The following NAALADL1 variants were observed in gnomAD, a reference collection of about 807,000 sequenced individuals.
The protein encoded by NAALADL1 is aminopeptidase NAALADL1.
Under a neutral mutation model 82.8 loss-of-function variants are expected in NAALADL1, and 77 were observed. That is an observed-to-expected ratio of 0.93 (90% CI 0.77 to 1.12). NAALADL1 has a LOEUF of 1.12. NAALADL1 is among the 50% of genes most tolerant of loss of function. NAALADL1 has a pLI of 0.00. For synonymous variants in NAALADL1, 358 were observed against 399.2 expected (o/e 0.90, Z 1.23); for missense variants, 956 against 964.0 (o/e 0.99, Z 0.11).
chr11:65,053,375 G>A lies in NAALADL1; in HGVS notation c.1079-38C>T. 1 of 1,608,918 alleles carries A rather than the reference G, an allele frequency of 6.2e-7. No homozygotes were observed. The highest frequency in any genetic ancestry group is 8.5e-7 in the Non-Finnish European group (1 of 1,177,662). ...AAAGGGGCAGAGAACCAGAGGAGAG[G>A]GAGAGGTGGGCAGGGGGAGCTGGGC... On this transcript the variant is annotated intron_variant, in intron 7 of 17. Transcript: ENST00000358658. The surrounding 1 kb of genome is among the most constrained non-coding windows in gnomAD (Gnocchi z 4.3).
intron 13 of NAALADL1, 74 bp from the exon 14 acceptor site, chr11:65,046,600 A>G (rs2136969030): frequency 7.0e-7 from 1 of 1,428,388 alleles, no homozygotes; most frequent in South Asian, 1.2e-5. Flanking sequence ...GTGAGCTGCA[A>G]AATGTGGGCA....
Position 65,053,084 on chromosome 11 carries a change from G to T in NAALADL1, c.1198+134C>A. 1.7e-6 allele frequency: 2 copies of T among 1,146,008 alleles called. No homozygotes were observed. The highest frequency in any genetic ancestry group is 1.6e-5 in the South Asian group (1 of 62,352). 71.0% of individuals were successfully genotyped at this position (1,146,008 alleles called of 1,614,324 possible). Reference sequence around the variant, plus strand: ...CACTGGGCTGCTGCAGGCCAAGGCTGGTGTCATGCATGTCTGCCCCCAGGG... The same window carrying T: ...CACTGGGCTGCTGCAGGCCAAGGCTTGTGTCATGCATGTCTGCCCCCAGGG... On this transcript the variant is annotated intron_variant, in intron 8 of 17. Transcript: ENST00000358658. This position sits in a 1 kb window ranked among gnomAD's most constrained non-coding sequence, Gnocchi z 4.3.
In NAALADL1 at chr11:65,044,967, C is replaced by T. The variant is rs916092995; in HGVS notation, c.*304G>A. 1.4e-5 allele frequency: 9 copies of T among 623,726 alleles called. No individual in the cohort carries two copies. The highest frequency in any genetic ancestry group is 1.1e-4 in the African/African-American group (6 of 54,300). 38.6% of individuals were successfully genotyped at this position (623,726 alleles called of 1,614,324 possible). On this transcript the variant is annotated 3_prime_UTR_variant, in exon 18 of 18. Coordinates refer to ENST00000358658, the MANE Select transcript of NAALADL1 (RefSeq NM_005468.3). The surrounding 1 kb of genome is among the most constrained non-coding windows in gnomAD (Gnocchi z 4.0). Reference sequence around the variant, plus strand: ...CGCCACTGGTCCTTGGCCTTGATGACCTGAGTTGGCATCTGAGGTTGGCAC... The same window carrying T: ...CGCCACTGGTCCTTGGCCTTGATGATCTGAGTTGGCATCTGAGGTTGGCAC...
intron 8 of NAALADL1, among the ~76,000 whole-genome samples, chr11:65,050,853 C>CT: frequency 6.6e-6 from 1 of 152,060 alleles, no homozygotes; most frequent in Middle Eastern, 3.4e-3. Context: ...ATAGCCAAGG[C>CT]TTTTTTCCCC....
At chr11:65,055,753 T>C (rs1947020419) in intron 4 of NAALADL1, among the ~76,000 whole-genome samples, 1 of 152,188 alleles carries the variant, frequency 6.6e-6, no homozygotes, top group East Asian at 1.9e-4. Context: ...TGATGGTTAA[T>C]TAATAATCTG....
At position 65,054,256 on chromosome 11, in the gene NAALADL1, G is replaced by C. The variant is rs1322965840; in HGVS notation, c.986C>G (p.Ala329Gly). 8.1e-6 allele frequency: 13 copies of C among 1,613,878 alleles called. No homozygotes were observed. Among genetic ancestry groups the C allele is most frequent in the Non-Finnish European group, 9.3e-6 (11 of 1,179,836 alleles). Residue 329 changes from alanine (A) to glycine (G), a missense_variant, in exon 6 of 18, where the codon GCA becomes GGA. By Grantham distance (60) the Ala-to-Gly change is moderately conservative. Coordinates refer to ENST00000358658, the MANE Select transcript of NAALADL1 (RefSeq NM_005468.3). The surrounding 1 kb of genome is among the most constrained non-coding windows in gnomAD (Gnocchi z 4.3). ...TGGTCTGGCTGCATCTCACCTGTCT[G>C]CTGGGAAGTCTCCGTCAGGCCGGAA... The part of the protein sequence containing the change: ...PGFRPDGDFP[A>G]DSQVNVSVYN...
In NAALADL1 at chr11:65,046,442, C is replaced by T. The variant is rs1946731784; in HGVS notation, c.1681+3G>A. Reference sequence around the variant, plus strand: ...TCAGGATGCCCCTTGTCTCCCTCCTCACCCGGGTCCAAAAACTTGTCCACA... The same window carrying T: ...TCAGGATGCCCCTTGTCTCCCTCCTTACCCGGGTCCAAAAACTTGTCCACA... On this transcript the variant is annotated splice_donor_region_variant and intron_variant, in intron 14 of 17. Transcript: ENST00000358658. The T allele has an allele frequency of 6.2e-7, 1 of 1,614,220 alleles. No homozygotes were observed.
chr11:65,047,512 C>A lies in NAALADL1; in HGVS notation c.1562G>T (p.Gly521Val). ...ATAGGCAATGTCCATGGAGGAGATG[C>A]CCAGGAAGTGAACGAAGGGTGCATA... The part of the protein sequence containing the change: ...SDYAPFVHFL[G>V]ISSMDIAYTY... Residue 521 changes from glycine to valine, a missense_variant, in exon 13 of 18, where the codon GGC becomes GTC. Coordinates refer to ENST00000358658, the MANE Select transcript of NAALADL1 (RefSeq NM_005468.3). The A allele has an allele frequency of 6.4e-7, 1 of 1,570,178 alleles. No individual in the cohort carries two copies. The highest frequency in any genetic ancestry group is 1.7e-4 in the Middle Eastern group (1 of 6,002).
Position 65,058,453 on chromosome 11 carries a change from G to C in NAALADL1, c.69C>G (p.Leu23=). The C allele has an allele frequency of 6.2e-7, 1 of 1,613,872 alleles. No individual in the cohort carries two copies. The highest frequency in any genetic ancestry group is 8.5e-7 in the Non-Finnish European group (1 of 1,179,882). ...AAALLGLGII[L]GHFAIPKKAN... ...CTTTTTTGGGGATGGCAAAGTGGCCGAGGATGATCCCCAGCCCCAAGAGGG... is the reference window on the plus strand; with the variant it reads ...CTTTTTTGGGGATGGCAAAGTGGCCCAGGATGATCCCCAGCCCCAAGAGGG... The change falls in exon 1 of 18, where the codon CTC becomes CTG. Residue 23 remains leucine (L), a synonymous_variant. Coordinates refer to ENST00000358658, the MANE Select transcript of NAALADL1 (RefSeq NM_005468.3).
Position 65,058,109 on chromosome 11 carries a change from A to G in NAALADL1, c.327T>C (p.Pro109=). ...ASTYEVLLSF[P]SQEQPNVVDI... is the part of the protein sequence containing the mutation. ...CCACGACGTTGGGCTGCTCCTGGCT[A>G]GGGAAGGACAGCAGCACTTCGTACG... The change falls in exon 2 of 18, where the codon CCT becomes CCC. Residue 109 remains proline, a synonymous_variant. Coordinates refer to ENST00000358658, the MANE Select transcript of NAALADL1 (RefSeq NM_005468.3). 6.2e-7 allele frequency: 1 copy of G among 1,612,336 alleles called. No homozygotes were observed. The highest frequency in any genetic ancestry group is 8.5e-7 in the Non-Finnish European group (1 of 1,178,712).
Position 65,047,697 on chromosome 11 carries a change from G to T in NAALADL1, c.1458C>A (p.Asn486Lys). The T allele has an allele frequency of 6.2e-7, 1 of 1,608,646 alleles. No homozygotes were observed. Residue 486 changes from asparagine to lysine, a missense_variant, in exon 12 of 18, where the codon AAC (asparagine) becomes AAA (lysine). Coordinates refer to ENST00000358658, the MANE Select transcript of NAALADL1 (RefSeq NM_005468.3). ...PGPGDLSIYD[N>K]WIRYFNRSSP... is the part of the protein sequence containing the mutation. ...TGCTGCGGTTGAAGTACCGGATCCA[G>T]TTGTCGTAGATGCTCAGGTCGCCAG... is the stretch of plus-strand genomic sequence containing the variant.
At chr11:65,060,149 C>T (rs546279363), upstream of NAALADL1, among the ~76,000 whole-genome samples, 6 of 150,304 alleles carry the variant, frequency 4.0e-5, no homozygotes, top group African/African-American at 9.8e-5. Context: ...TGTGTGTGTG[C>T]ACGTGCATGT....
chr11:65,044,822 G>T lies in NAALADL1; in HGVS notation c.*449C>A. ...CCAGGTAATAAAAGGAACTTGTTTTGTTGGTACCAGTCACTAGATGTGATT... is the reference window on the plus strand; with the variant it reads ...CCAGGTAATAAAAGGAACTTGTTTTTTTGGTACCAGTCACTAGATGTGATT... On this transcript the variant is annotated 3_prime_UTR_variant, in exon 18 of 18. Transcript: ENST00000358658. This position sits in a 1 kb window ranked among gnomAD's most constrained non-coding sequence, Gnocchi z 4.0. The T allele has an allele frequency of 7.6e-7, 1 of 1,323,718 alleles. No individual in the cohort carries two copies. The highest frequency in any genetic ancestry group is 1.0e-6 in the Non-Finnish European group (1 of 984,404). 82.0% of individuals were successfully genotyped at this position (1,323,718 alleles called of 1,614,324 possible). A position where few individuals can be genotyped will look rare whatever the true frequency, so the allele number is the denominator to read the frequency against.
chr11:65,051,302 C>CCTTT (rs751772990), intron 8 of NAALADL1, among the ~76,000 whole-genome samples: 22,615 of 95,666 alleles, frequency 0.24, 4,811 homozygotes, highest in Non-Finnish European at 0.39. Context: ...GTCTCTCTCT[C>CCTTT]CTTTCTTTCT....
intron 13 of NAALADL1, among the ~76,000 whole-genome samples, chr11:65,046,948 T>A (rs1946746020): frequency 6.6e-6 from 1 of 152,190 alleles, no homozygotes; most frequent in African/African-American, 2.4e-5. Context: ...TGGTCTGAGT[T>A]AATCGATGCT....
chr11:65,047,897 A>AC, intron 11 of NAALADL1, 84 bp downstream of exon 11: 152 of 486,578 alleles, frequency 3.1e-4, no homozygotes, highest in Middle Eastern at 6.8e-4. Context: ...ACCACTCCCC[A>AC]GCCCCGCCCA....
Position 65,054,757 on chromosome 11 carries a change from G to T in NAALADL1, c.604-19C>A, listed in dbSNP as rs764241906. ...TCACAGCCTGCAGTGGGCAGAGGAG[G>T]CTGTGTGTAAGGGAGGGACCGGGAC... On this transcript the variant is annotated intron_variant, in intron 4 of 17. Transcript: ENST00000358658. This position sits in a 1 kb window ranked among gnomAD's most constrained non-coding sequence, Gnocchi z 4.3. 2 of 1,609,588 alleles carry T rather than the reference G, an allele frequency of 1.2e-6. No individual in the cohort carries two copies. The highest frequency in any genetic ancestry group is 1.7e-6 in the Non-Finnish European group (2 of 1,177,840).
Position 65,047,636 on chromosome 11 carries a change from C to A in NAALADL1, c.1508+11G>T. 6.3e-7 allele frequency: 1 copy of A among 1,598,026 alleles called. No homozygotes were observed. The highest frequency in any genetic ancestry group is 2.3e-5 in the East Asian group (1 of 44,270). On this transcript the variant is annotated intron_variant, in intron 12 of 17. Transcript: ENST00000358658. ...GCCTCGCTCCGGGCCCCCTTCTGTC[C>A]CTGGGCTTACCTGGGGACCAGGCCG...
At chr11:65,048,455 G>T in intron 8 of NAALADL1, 70 bp from the exon 9 acceptor site, 1 of 1,553,798 alleles carries the variant, frequency 6.4e-7, no homozygotes. Flanking sequence ...GAGAAAGGCT[G>T]CTGACGTGAG....
Sources: allele counts gnomAD v4.1 joint callset (sites outside exome capture counted in the v4.1 genomes callset), GRCh38; gene constraint gnomAD v4.1.1; non-coding constraint Gnocchi (gnomAD v3.1); transcripts MANE v1.5; gene names NCBI Gene and HGNC (gene_info 2026-07-23, HGNC 2026-07-21).